The following CELF2 variants were observed in gnomAD, a reference collection of about 807,000 sequenced individuals.
The protein encoded by CELF2 is CUGBP Elav-like family member 2, also known as CUG triplet repeat RNA-binding protein 2.
A neutral mutation model predicts 62.6 loss-of-function variants in CELF2; 8 were observed. That is an observed-to-expected ratio of 0.13 (90% CI 0.07 to 0.23). CELF2 has a LOEUF of 0.23. CELF2 is among the 10% of genes least tolerant of loss of function. The pLI is 1.00. For synonymous variants in CELF2, 258 were observed against 250.0 expected (o/e 1.03, Z -0.30); for missense variants, 333 against 671.0 (o/e 0.50, Z 5.56).
chr10:11,107,311 G>A (rs190814708), intron 1 of CELF2, among the ~76,000 whole-genome samples: 2 of 152,122 alleles, frequency 1.3e-5, no homozygotes, highest in Admixed American at 1.3e-4. Flanking sequence ...TGGCCTGTGG[G>A]CCCCAAATTC....
chr10:10,685,698 C>A, the CELF2 span, among the ~76,000 whole-genome samples: 1 of 152,092 alleles, frequency 6.6e-6, no homozygotes, highest in Admixed American at 6.5e-5. Flanking sequence ...GCTTAGGGCT[C>A]CTACTGAGAA....
At chr10:10,647,162 C>T in the CELF2 span, among the ~76,000 whole-genome samples, 2 of 152,178 alleles carry the variant, frequency 1.3e-5, no homozygotes, top group African/African-American at 2.4e-5. Context: ...TGCCCCTATC[C>T]TCCTGGTTCC....
intron 1 of CELF2, among the ~76,000 whole-genome samples, chr10:10,818,741 C>T: frequency 6.6e-6 from 1 of 151,822 alleles, no homozygotes; most frequent in Admixed American, 6.6e-5. Flanking sequence ...CATGCCTGGC[C>T]AATTTTTGTG....
the CELF2 span, among the ~76,000 whole-genome samples, chr10:10,571,264 T>G: frequency 2.0e-5 from 3 of 152,164 alleles, no homozygotes; most frequent in South Asian, 6.2e-4. Flanking sequence ...TCCACAGACA[T>G]TTACTAAATC....
chr10:11,162,414 C>A (rs1224312911), intron 1 of CELF2, among the ~76,000 whole-genome samples: 1 of 152,272 alleles, frequency 6.6e-6, no homozygotes, highest in Admixed American at 6.5e-5. Context: ...AAGGGATTGT[C>A]CTGCCCTTAG....
chr10:11,017,493 T>C (rs1220085970), upstream of CELF2, among the ~76,000 whole-genome samples: 1 of 152,116 alleles, frequency 6.6e-6, no homozygotes. This position sits in a 1 kb window ranked among gnomAD's most constrained non-coding sequence, Gnocchi z 5.5. Flanking sequence ...TGATCGCCCT[T>C]AGTTCCTGCC....
At chr10:10,665,933 A>G in the CELF2 span, among the ~76,000 whole-genome samples, 890 of 152,312 alleles carry the variant, frequency 5.8e-3, 2 homozygotes, top group Non-Finnish European at 8.2e-3. Flanking sequence ...AGCCAAGGCC[A>G]TGAAGCTTAT....
rs1490138383 is a variant in CELF2 at position 11,018,173 on chromosome 10, G to C, written c.74+10G>C. The stretch of plus-strand genomic sequence containing the variant: ...TCGTTCCTGACAGAATGTGAGTGGC[G>C]CCGCGTCCCGAGGCCGGGCGAGCGG... On this transcript the variant is annotated intron_variant, in intron 1 of 12. Transcript: ENST00000633077. 2.0e-6 allele frequency: 3 copies of C among 1,516,084 alleles called. No homozygotes were observed. The highest frequency in any genetic ancestry group is 2.7e-6 in the Non-Finnish European group (3 of 1,128,584). The allele number at this position is 1,516,084 out of a possible 1,614,324, so 93.9% of individuals were successfully genotyped here.
At chr10:10,515,169 T>C in the CELF2 span, among the ~76,000 whole-genome samples, 1 of 152,198 alleles carries the variant, frequency 6.6e-6, no homozygotes, top group Non-Finnish European at 1.5e-5. Context: ...CAGAGCTAAC[T>C]GTGGGAACAC....
chr10:11,214,544 C>T lies in CELF2; in HGVS notation c.272-2881C>T, dbSNP rs187745489. On this transcript the variant is annotated intron_variant, in intron 2 of 12. Transcript: ENST00000633077. This position sits in a 1 kb window ranked among gnomAD's most constrained non-coding sequence, Gnocchi z 4.2. Reference sequence around the variant, plus strand: ...AGCCATGGACTGTGGCAAGGAGCTACGCCCACCTGGAGATGGGATCCCCTC... The same window carrying T: ...AGCCATGGACTGTGGCAAGGAGCTATGCCCACCTGGAGATGGGATCCCCTC... Among the ~76,000 whole-genome samples, 9 of 152,320 alleles carry T rather than the reference C, an allele frequency of 5.9e-5. No individual in the cohort carries two copies. Among genetic ancestry groups the T allele is most frequent in the African/African-American group, 1.4e-4 (6 of 41,584 alleles).
the CELF2 span, among the ~76,000 whole-genome samples, chr10:10,590,458 A>C: frequency 0.25 from 38,673 of 152,136 alleles, 5,965 homozygotes; most frequent in Non-Finnish European, 0.36. Context: ...TAAGTTGTAT[A>C]ATAAAAGGCA....
chr10:11,266,013 G>A (rs1260740436), intron 5 of CELF2, among the ~76,000 whole-genome samples: 1 of 152,068 alleles, frequency 6.6e-6, no homozygotes, highest in Non-Finnish European at 1.5e-5. Flanking sequence ...AACAGACTTG[G>A]TATATTTGTA....
chr10:11,031,224 C>T (rs1404191086), intron 1 of CELF2, among the ~76,000 whole-genome samples: 2 of 152,198 alleles, frequency 1.3e-5, no homozygotes, highest in East Asian at 3.8e-4. Flanking sequence ...TCTACAGTAA[C>T]ATCCGTTTTT....
rs1186328063 is a variant in CELF2, at chr10:11,325,836, G to T, written c.1295G>T (p.Gly432Val). The change falls in exon 12 of 13, where the codon GGT (glycine) becomes GTT (valine). Residue 432 changes from glycine (G) to valine (V), a missense_variant and splice_region_variant. Transcript: ENST00000633077. ...CTCTGACTTTTTTTTTCCTCCTTAG[G>T]TCCAGAGGGGGCAAACCTCTTTATT... ...QQSAAGSQKE[G>V]PEGANLFIYH... The T allele has an allele frequency of 3.1e-6, 5 of 1,609,956 alleles. No homozygotes were observed. The Admixed American group carries it at 6.8e-5, about 22-fold the overall frequency.
chr10:10,744,964 A>G, the CELF2 span, among the ~76,000 whole-genome samples: 1 of 152,140 alleles, frequency 6.6e-6, no homozygotes, highest in African/African-American at 2.4e-5. Context: ...CAGCACACAT[A>G]GCCAGCCTTC....
chr10:10,516,660 C>A, the CELF2 span, among the ~76,000 whole-genome samples: 1 of 151,850 alleles, frequency 6.6e-6, no homozygotes, highest in Non-Finnish European at 1.5e-5. Flanking sequence ...CTTAATTACC[C>A]TCGGGGGTCC....
At chr10:11,021,655 C>T (rs2058340925) in intron 1 of CELF2, among the ~76,000 whole-genome samples, 1 of 152,204 alleles carries the variant, frequency 6.6e-6, no homozygotes, top group Admixed American at 6.5e-5. Flanking sequence ...ATATTGCCCA[C>T]ATTTTACAGA....
In CELF2 at chr10:11,098,827, G is replaced by T. The variant is rs576097843; in HGVS notation, c.75-66659G>T. 6.6e-6 allele frequency among the ~76,000 whole-genome samples: 1 copy of T among 152,162 alleles called. No homozygotes were observed. Among genetic ancestry groups the T allele is most frequent in the Non-Finnish European group, 1.5e-5 (1 of 68,020 alleles). On this transcript the variant is annotated intron_variant, in intron 1 of 12. Coordinates refer to ENST00000633077, the MANE Select transcript of CELF2 (RefSeq NM_001326342.2). The surrounding 1 kb of genome is among the most constrained non-coding windows in gnomAD (Gnocchi z 4.0). Reference sequence around the variant, plus strand: ...ACCGAGGCTTCTTGGCTCTGCACCGGGTGATAATTCTACCTGGGCAGCAGG... The same window carrying T: ...ACCGAGGCTTCTTGGCTCTGCACCGTGTGATAATTCTACCTGGGCAGCAGG...
At chr10:10,658,241 C>G in the CELF2 span, among the ~76,000 whole-genome samples, 1 of 152,080 alleles carries the variant, frequency 6.6e-6, no homozygotes, top group South Asian at 2.1e-4. Flanking sequence ...TCCCTTCTTG[C>G]CCATTTATTT....
Sources: gnomAD v4.1 joint callset for allele counts (sites outside exome capture counted in the v4.1 genomes callset) on GRCh38, gnomAD v4.1.1 for gene constraint, Gnocchi (gnomAD v3.1) non-coding constraint, MANE v1.5 for transcripts, NCBI Gene and HGNC (gene_info 2026-07-23, HGNC 2026-07-21) for gene names.